The following SESN1 variants were observed in gnomAD, a reference collection of about 807,000 sequenced individuals.
The protein encoded by SESN1 is sestrin-1.
In SESN1, 30 loss-of-function variants were observed where a neutral mutation model predicts 59.3. That is an observed-to-expected ratio of 0.51 (90% confidence interval 0.38 to 0.69). The LOEUF (loss-of-function observed/expected upper bound fraction) is 0.69. Among genes scored for constraint, SESN1 ranks in the 30% least tolerant of loss-of-function variants. The pLI is 0.00. For synonymous variants in SESN1, 197 were observed against 219.9 expected (o/e 0.90, Z 0.92); for missense variants, 566 against 673.0 (o/e 0.84, Z 1.76).
chr6:109,055,840 G>A (rs1454164835), intron 1 of SESN1, among the ~76,000 whole-genome samples: 2 of 152,056 alleles, frequency 1.3e-5, no homozygotes, highest in Admixed American at 6.5e-5. Flanking sequence ...CATTGTCCGT[G>A]ATATATAGTA....
rs141256001 is a variant in SESN1, at chr6:109,023,436, A to C, written c.280-21093T>G. 8.7e-3 allele frequency among the ~76,000 whole-genome samples: 1,329 copies of C among 152,336 alleles called. 25 individuals are homozygous for C. Among genetic ancestry groups the C allele is most frequent in the African/African-American group, 0.03 (1,260 of 41,582 alleles). On this transcript the variant is annotated intron_variant, in intron 1 of 9. Coordinates refer to ENST00000436639, the MANE Select transcript of SESN1 (RefSeq NM_014454.3). ...ATGCTAACAGTGACTGTTAACCTCC[A>C]AAATATGATCCACTATGTTTTTTTG...
chr6:109,038,966 G>A (rs1780291585), intron 1 of SESN1, among the ~76,000 whole-genome samples: 1 of 147,646 alleles, frequency 6.8e-6, no homozygotes, highest in Non-Finnish European at 1.5e-5. Context: ...GAAGGGAGAA[G>A]AAGGAAAAGA....
rs1370545011 is a variant in SESN1 at position 108,985,138 on chromosome 6, TA to T, written c.*2405del. Among the ~76,000 whole-genome samples the T allele has an allele frequency of 6.6e-6, 1 of 152,040 alleles. No homozygotes were observed. The highest frequency in any genetic ancestry group is 1.5e-5 in the Non-Finnish European group (1 of 68,028). On this transcript the variant is annotated 3_prime_UTR_variant, in exon 10 of 10. Transcript: ENST00000436639. Reference sequence around the variant, plus strand: ...ATATTCACATATATGAATATGCTAATAAAATTTCAGAGTATATTGATAAAAA... The same window carrying T: ...ATATTCACATATATGAATATGCTAATAAATTTCAGAGTATATTGATAAAAA...
chr6:109,007,834 A>C (rs2114335024), intron 1 of SESN1, among the ~76,000 whole-genome samples: 1 of 151,226 alleles, frequency 6.6e-6, no homozygotes, highest in East Asian at 1.9e-4. Flanking sequence ...TTTAGAAAAA[A>C]AACTTACTGA....
intron 1 of SESN1, among the ~76,000 whole-genome samples, chr6:109,029,286 G>C (rs75263286): frequency 0.092 from 14,037 of 152,184 alleles, 869 homozygotes; most frequent in Middle Eastern, 0.19. Context: ...AGGAACAATA[G>C]AAATCACGGG....
chr6:109,045,231 A>G (rs1780408902), intron 1 of SESN1, among the ~76,000 whole-genome samples: 1 of 152,042 alleles, frequency 6.6e-6, no homozygotes, highest in Non-Finnish European at 1.5e-5. Flanking sequence ...AAACTGTAAA[A>G]TCTATCCCCT....
intron 1 of SESN1, among the ~76,000 whole-genome samples, chr6:109,073,284 CAT>C (rs374501315): frequency 6.6e-6 from 1 of 152,124 alleles, no homozygotes; most frequent in African/African-American, 2.4e-5. Flanking sequence ...CCCTTTAGTG[CAT>C]ATGAGTACCT....
At chr6:109,054,828 G>C (rs1182623975) in intron 1 of SESN1, among the ~76,000 whole-genome samples, 1 of 151,910 alleles carries the variant, frequency 6.6e-6, no homozygotes, top group East Asian at 1.9e-4. Flanking sequence ...TTAAATTTAA[G>C]GTACTTTTTG....
chr6:109,083,224 C>G (rs1317732082), intron 1 of SESN1, among the ~76,000 whole-genome samples: 3 of 151,932 alleles, frequency 2.0e-5, no homozygotes, highest in Non-Finnish European at 4.4e-5. Flanking sequence ...GAGCACATGG[C>G]CAGTAAGAAA....
intron 1 of SESN1, among the ~76,000 whole-genome samples, chr6:109,092,309 G>A (rs1781327921): frequency 6.6e-6 from 1 of 152,150 alleles, no homozygotes; most frequent in African/African-American, 2.4e-5. Flanking sequence ...TTTGCCCAAG[G>A]TTACAGGCAA....
At chr6:109,044,025 A>T (rs1780381673) in intron 1 of SESN1, among the ~76,000 whole-genome samples, 2 of 152,122 alleles carry the variant, frequency 1.3e-5, no homozygotes, top group South Asian at 4.1e-4. Flanking sequence ...TATTGTTAAC[A>T]AAGAAGTGGC....
At chr6:109,077,044 G>A (rs895663495) in intron 1 of SESN1, among the ~76,000 whole-genome samples, 1 of 152,146 alleles carries the variant, frequency 6.6e-6, no homozygotes, top group Non-Finnish European at 1.5e-5. Flanking sequence ...AATATTGTAG[G>A]CAGTTCTAAC....
chr6:109,022,635 C>T (rs1430293742), intron 1 of SESN1, among the ~76,000 whole-genome samples: 2 of 151,738 alleles, frequency 1.3e-5, no homozygotes, highest in African/African-American at 4.8e-5. Context: ...AGGATGGTCT[C>T]GATCTCCTGA....
intron 1 of SESN1, among the ~76,000 whole-genome samples, chr6:109,080,331 A>G (rs2114474823): frequency 6.6e-6 from 1 of 152,304 alleles, no homozygotes; most frequent in East Asian, 1.9e-4. Flanking sequence ...GAAATATACC[A>G]AATTTTCTTT....
chr6:109,021,566 T>C (rs1220848872), intron 1 of SESN1, among the ~76,000 whole-genome samples: 3 of 152,048 alleles, frequency 2.0e-5, no homozygotes, highest in African/African-American at 7.2e-5. Context: ...GCCTCGCAAT[T>C]AGCTGGGACT....
At chr6:109,000,416 C>T (rs895311431) in intron 4 of SESN1, 75 bp downstream of exon 4, 22 of 1,177,552 alleles carry the variant, frequency 1.9e-5, no homozygotes, top group Admixed American at 8.4e-5. Context: ...ACTTTCTGTG[C>T]GATTTTTCTG....
chr6:109,036,737 A>G (rs1397881758), intron 1 of SESN1, among the ~76,000 whole-genome samples: 1 of 152,208 alleles, frequency 6.6e-6, no homozygotes, highest in Admixed American at 6.5e-5. Context: ...AAGTGCTACC[A>G]CAATTTTAGC....
At chr6:109,009,402 A>G in intron 1 of SESN1, 1 of 1,461,386 alleles carries the variant, frequency 6.8e-7, no homozygotes, top group Non-Finnish European at 9.0e-7. Flanking sequence ...GCAGCCCAGC[A>G]GCCCCGAGAC....
chr6:109,024,679 G>GA (rs2114378855), intron 1 of SESN1, among the ~76,000 whole-genome samples: 1 of 152,292 alleles, frequency 6.6e-6, no homozygotes, highest in African/African-American at 2.4e-5. Flanking sequence ...AATGTGCTCA[G>GA]AATGCTGACA....
Sources: gnomAD v4.1 joint callset for allele counts (sites outside exome capture counted in the v4.1 genomes callset) on GRCh38, gnomAD v4.1.1 for gene constraint, MANE v1.5 for transcripts, NCBI Gene and HGNC (gene_info 2026-07-23, HGNC 2026-07-21) for gene names.